Variants in RASGEF1C observed in about 807,000 individuals in gnomAD.
The protein encoded by RASGEF1C is ras-GEF domain-containing family member 1C.
A neutral mutation model predicts 58.1 loss-of-function variants in RASGEF1C; 27 were observed. That is an observed-to-expected ratio of 0.46 (90% CI 0.34 to 0.64). RASGEF1C has a LOEUF of 0.64. RASGEF1C is among the 30% of genes least tolerant of loss of function. The pLI, the probability that RASGEF1C is intolerant of heterozygous loss-of-function variation, is 0.01. For synonymous variants in RASGEF1C, 243 were observed against 246.3 expected (o/e 0.99, Z 0.13); for missense variants, 502 against 605.1 (o/e 0.83, Z 1.79).
Position 180,152,908 on chromosome 5 carries a change from T to A in RASGEF1C, c.-6-14850A>T, listed in dbSNP as rs1424396944. ...CCTGGGCAACAAGAGCAAAACCCCA[T>A]CTCAAAAAAAAAAAAAAAAAAAAAA... On this transcript the variant is annotated intron_variant, in intron 1 of 13. Transcript: ENST00000361132. Among the ~76,000 whole-genome samples the A allele has an allele frequency of 5.0e-4, 38 of 75,732 alleles. No homozygotes were observed. In the South Asian group the frequency reaches 0.01, roughly 20 times the overall value. The allele number at this position is 75,732 out of a possible 152,430, so 49.7% of individuals were successfully genotyped here.
At chr5:180,174,482 G>C (rs1264860452) in intron 1 of RASGEF1C, among the ~76,000 whole-genome samples, 1 of 60,054 alleles carries the variant, frequency 1.7e-5, no homozygotes, top group African/African-American at 5.0e-5. Flanking sequence ...ATGTGTGTCT[G>C]TGTGTGCGCG....
At position 180,137,184 on chromosome 5, in the gene RASGEF1C, T is replaced by C. The variant is rs963630336; in HGVS notation, c.300+406A>G. Among the ~76,000 whole-genome samples the C allele has an allele frequency of 1.3e-5, 2 of 151,962 alleles. No homozygotes were observed. Among genetic ancestry groups the C allele is most frequent in the Non-Finnish European group, 2.9e-5 (2 of 68,002 alleles). On this transcript the variant is annotated intron_variant, in intron 3 of 13. Transcript: ENST00000361132. The surrounding 1 kb of genome is among the most constrained non-coding windows in gnomAD (Gnocchi z 4.1). Reference sequence around the variant, plus strand: ...TTGGTTCAGGCGGGTTGAAGTTGGGTCTCTCCCACTAGCGGTAGAGCCCTA... The same window carrying C: ...TTGGTTCAGGCGGGTTGAAGTTGGGCCTCTCCCACTAGCGGTAGAGCCCTA...
intron 1 of RASGEF1C, among the ~76,000 whole-genome samples, chr5:180,142,422 G>A (rs146769078): frequency 2.0e-5 from 3 of 152,142 alleles, no homozygotes; most frequent in African/African-American, 4.8e-5. Flanking sequence ...TACCAAGAGC[G>A]TTATGTTCTA....
At chr5:180,126,212 CA>C (rs1766257027) in intron 6 of RASGEF1C, among the ~76,000 whole-genome samples, 1 of 152,178 alleles carries the variant, frequency 6.6e-6, no homozygotes, top group South Asian at 2.1e-4. Flanking sequence ...TCGAGACCAT[CA>C]TGGCTTACAC....
chr5:180,139,241 G>T (rs1041346113), intron 1 of RASGEF1C, among the ~76,000 whole-genome samples: 1 of 152,264 alleles, frequency 6.6e-6, no homozygotes. Flanking sequence ...TCACAGTGAC[G>T]CATCCTGGCT....
chr5:180,129,677 C>T (rs980406869), intron 4 of RASGEF1C, among the ~76,000 whole-genome samples: 2 of 152,234 alleles, frequency 1.3e-5, no homozygotes, highest in African/African-American at 4.8e-5. Context: ...TCGTTATTTC[C>T]CGAGGCCTCT....
rs1399322102 is a variant in RASGEF1C, at chr5:180,176,481, G to A, written c.-7+32547C>T. 2.0e-5 allele frequency among the ~76,000 whole-genome samples: 3 copies of A among 152,172 alleles called. No individual in the cohort carries two copies. In the East Asian group the frequency reaches 5.8e-4, roughly 29 times the overall value. ...CTCCTGCCCCTGCCAGGACCAGGCA[G>A]AGGGGAAAGGCTGCCTGTGCGGGCC... On this transcript the variant is annotated intron_variant, in intron 1 of 13. Transcript: ENST00000361132.
intron 1 of RASGEF1C, among the ~76,000 whole-genome samples, chr5:180,205,712 ATAATAT>A (rs1756475030): frequency 1.4e-5 from 1 of 73,740 alleles, no homozygotes; most frequent in African/African-American, 3.7e-5. Flanking sequence ...TGCCATTATT[ATAATAT>A]TATTATTATT....
At chr5:180,151,965 A>G (rs1486525927) in intron 1 of RASGEF1C, among the ~76,000 whole-genome samples, 1 of 151,288 alleles carries the variant, frequency 6.6e-6, no homozygotes, top group East Asian at 1.9e-4. Flanking sequence ...GACACATGAA[A>G]AAATGCTCAT....
chr5:180,137,851 C>G lies in RASGEF1C; in HGVS notation c.177+25G>C, dbSNP rs552219817. The G allele has an allele frequency of 4.4e-6, 7 of 1,608,090 alleles. No homozygotes were observed. In the South Asian group the frequency reaches 7.7e-5, roughly 18 times the overall value. ...TGCGTGGTGGAGGAGAGCCCACTCTCCTGCCCGCTGGGTGGATCACCCACC... is the reference window on the plus strand; with the variant it reads ...TGCGTGGTGGAGGAGAGCCCACTCTGCTGCCCGCTGGGTGGATCACCCACC... On this transcript the variant is annotated intron_variant, in intron 2 of 13. Coordinates refer to ENST00000361132, the MANE Select transcript of RASGEF1C (RefSeq NM_175062.4). This position sits in a 1 kb window ranked among gnomAD's most constrained non-coding sequence, Gnocchi z 4.1.
At chr5:180,123,971 A>T (rs1766215636) in intron 6 of RASGEF1C, among the ~76,000 whole-genome samples, 1 of 152,198 alleles carries the variant, frequency 6.6e-6, no homozygotes, top group Non-Finnish European at 1.5e-5. Context: ...ATTCCTAGGA[A>T]AATATAAATT....
In RASGEF1C at chr5:180,137,732, G is replaced by C; in HGVS notation, c.178-20C>G. On this transcript the variant is annotated intron_variant, in intron 2 of 13. Transcript: ENST00000361132. The surrounding 1 kb of genome is among the most constrained non-coding windows in gnomAD (Gnocchi z 4.1). The stretch of plus-strand genomic sequence containing the variant: ...GGCTTTCTGGGGGACACACGAGAAA[G>C]AGGGCACAGGCTCAGGAGGGCACCA... 1 of 1,612,732 alleles carries C rather than the reference G, an allele frequency of 6.2e-7. No homozygotes were observed. The highest frequency in any genetic ancestry group is 1.1e-5 in the South Asian group (1 of 90,986).
At chr5:180,138,342 T>G (rs1351998125) in intron 1 of RASGEF1C, 1 of 322,292 alleles carries the variant, frequency 3.1e-6, no homozygotes, top group Non-Finnish European at 5.6e-6. Context: ...TTCTAGATTC[T>G]TCCCCCCGGC....
intron 11 of RASGEF1C, among the ~76,000 whole-genome samples, chr5:180,113,857 C>A (rs569747974): frequency 2.6e-5 from 4 of 151,778 alleles, no homozygotes; most frequent in Non-Finnish European, 4.4e-5. Flanking sequence ...ATGGAGGGAT[C>A]GAGGATAGAT....
At chr5:180,128,882 G>T (rs1392488349) in intron 4 of RASGEF1C, among the ~76,000 whole-genome samples, 1 of 152,188 alleles carries the variant, frequency 6.6e-6, no homozygotes, top group Non-Finnish European at 1.5e-5. Context: ...ACACATCAGG[G>T]AGGGTGACGG....
intron 1 of RASGEF1C, among the ~76,000 whole-genome samples, chr5:180,180,647 G>A (rs1410455154): frequency 1.3e-5 from 2 of 152,210 alleles, no homozygotes; most frequent in East Asian, 1.9e-4. Context: ...CCCAAGGAAC[G>A]GCCAAACCCA....
chr5:180,159,196 A>G (rs1012992355), intron 1 of RASGEF1C, among the ~76,000 whole-genome samples: 3 of 151,370 alleles, frequency 2.0e-5, no homozygotes, highest in Admixed American at 6.6e-5. Context: ...CTGGAGTGCA[A>G]CGGCGCGATC....
intron 1 of RASGEF1C, among the ~76,000 whole-genome samples, chr5:180,208,140 GT>G (rs748888180): frequency 1.4e-4 from 21 of 152,134 alleles, no homozygotes; most frequent in Non-Finnish European, 2.4e-4. Flanking sequence ...CTTACCAGAG[GT>G]GGGACCCCAG....
In RASGEF1C at chr5:180,156,445, C is replaced by T. The variant is rs1766853349; in HGVS notation, c.-6-18387G>A. On this transcript the variant is annotated intron_variant, in intron 1 of 13. Coordinates refer to ENST00000361132, the MANE Select transcript of RASGEF1C (RefSeq NM_175062.4). The surrounding 1 kb of genome is among the most constrained non-coding windows in gnomAD (Gnocchi z 4.9). Reference sequence around the variant, plus strand: ...GCAGGGCCGAGGTGGGAACCAAGCGCTGGACCTCTGTGATAAAGAACTGTT... The same window carrying T: ...GCAGGGCCGAGGTGGGAACCAAGCGTTGGACCTCTGTGATAAAGAACTGTT... 2.0e-5 allele frequency among the ~76,000 whole-genome samples: 3 copies of T among 152,126 alleles called. No homozygotes were observed. In the South Asian group the frequency reaches 6.2e-4, roughly 32 times the overall value.
Sources: gnomAD v4.1 joint callset for allele counts (sites outside exome capture counted in the v4.1 genomes callset) on GRCh38, gnomAD v4.1.1 for gene constraint, Gnocchi (gnomAD v3.1) non-coding constraint, MANE v1.5 for transcripts, NCBI Gene and HGNC (gene_info 2026-07-23, HGNC 2026-07-21) for gene names.